ZPBP: variants seen among roughly 807,000 people sequenced by gnomAD.
ZPBP encodes the protein zona pellucida binding protein.
ZPBP carries 26 observed loss-of-function variants against 44.8 expected under a neutral mutation model. The observed-to-expected ratio is 0.58, with a 90% CI of 0.43 to 0.81. ZPBP has a LOEUF of 0.81. ZPBP is among the 30% of genes least tolerant of loss of function. The pLI is 0.00. For missense variants in ZPBP, 409 were observed against 434.0 expected (o/e 0.94, Z 0.51); for synonymous variants, 174 against 153.2 (o/e 1.14, Z -1.00).
In ZPBP at chr7:50,018,407, A is replaced by G. The variant is rs991111228; in HGVS notation, c.707-91T>C. ...TTGAAAAATGAAAGGATATTCTAAC[A>G]TTTCTCTTCCATTAAAATATTAAGC... is the stretch of plus-strand genomic sequence containing the variant. On this transcript the variant is annotated intron_variant, in intron 5 of 7. Transcript: ENST00000046087. 2.6e-5 allele frequency: 27 copies of G among 1,053,786 alleles called. No homozygotes were observed. The Admixed American group carries it at 5.6e-4, about 22-fold the overall frequency. The allele number at this position is 1,053,786 out of a possible 1,614,324, so 65.3% of individuals were successfully genotyped here.
intron 6 of ZPBP, among the ~76,000 whole-genome samples, chr7:50,012,393 A>T (rs1451778128): frequency 1.3e-5 from 2 of 152,030 alleles, no homozygotes; most frequent in Non-Finnish European, 2.9e-5. Flanking sequence ...ATAACTAAAA[A>T]CATTTTCAGA....
chr7:50,045,297 C>A (rs930978382), intron 4 of ZPBP, among the ~76,000 whole-genome samples: 1 of 152,076 alleles, frequency 6.6e-6, no homozygotes, highest in Admixed American at 6.5e-5. Flanking sequence ...AAGTTCTGGC[C>A]AGGGCAATCA....
intron 7 of ZPBP, among the ~76,000 whole-genome samples, chr7:49,974,733 T>C (rs1038199388): frequency 4.9e-5 from 1 of 20,512 alleles, no homozygotes; most frequent in Non-Finnish European, 1.1e-4. Flanking sequence ...TCATCTGATG[T>C]TGAACTTTGT....
intron 3 of ZPBP, among the ~76,000 whole-genome samples, chr7:50,080,017 C>A (rs748377240): frequency 6.6e-6 from 1 of 151,638 alleles, no homozygotes; most frequent in Non-Finnish European, 1.5e-5. Flanking sequence ...CACATCTAAA[C>A]AACTTGAGTA....
chr7:50,089,279 A>C (rs1172469292), intron 2 of ZPBP, among the ~76,000 whole-genome samples: 1 of 152,120 alleles, frequency 6.6e-6, no homozygotes, highest in Non-Finnish European at 1.5e-5. Flanking sequence ...GCCATACTTC[A>C]TGTGACTACT....
intron 3 of ZPBP, among the ~76,000 whole-genome samples, chr7:50,081,550 G>A (rs1178620865): frequency 6.6e-6 from 1 of 151,678 alleles, no homozygotes; most frequent in African/African-American, 2.4e-5. Flanking sequence ...TAGATGCTTT[G>A]AGAACCCCCC....
At chr7:49,892,728 G>A (rs1303915264) in intron 2 of ZPBP, among the ~76,000 whole-genome samples, 1 of 152,200 alleles carries the variant, frequency 6.6e-6, no homozygotes, top group Non-Finnish European at 1.5e-5. Context: ...TGCATATTGT[G>A]TGCAAAGGAG....
At chr7:50,063,581 CTTTAAAGCTTGAGAACCATTTTTTTT>C (rs1335938518) in intron 3 of ZPBP, among the ~76,000 whole-genome samples, 4 of 152,052 alleles carry the variant, frequency 2.6e-5, no homozygotes, top group African/African-American at 9.7e-5. Flanking sequence ...GTTTTGAATC[CTTTAAAGCTTGAGAACCATTTTTTTT>C]TTTAAACAAA....
At chr7:50,082,044 AT>A in intron 2 of ZPBP, 145 bp from the exon 3 acceptor site, 2 of 826,352 alleles carry the variant, frequency 2.4e-6, no homozygotes, top group Admixed American at 5.0e-5. Flanking sequence ...ACTAAATTTC[AT>A]TGCATTCTAT....
At chr7:49,996,311 C>A (rs949693168) in intron 6 of ZPBP, among the ~76,000 whole-genome samples, 1 of 152,030 alleles carries the variant, frequency 6.6e-6, no homozygotes, top group Non-Finnish European at 1.5e-5. Context: ...GGGAAGTAAC[C>A]ACAGGGTGGG....
At chr7:49,890,218 C>T (rs1156868329) in intron 2 of ZPBP, among the ~76,000 whole-genome samples, 2 of 152,116 alleles carry the variant, frequency 1.3e-5, no homozygotes, top group South Asian at 2.1e-4. Flanking sequence ...ATGTACTATC[C>T]TAATAATTTT....
At chr7:50,027,613 A>G (rs1300170344) in intron 5 of ZPBP, among the ~76,000 whole-genome samples, 2 of 152,032 alleles carry the variant, frequency 1.3e-5, no homozygotes, top group African/African-American at 4.8e-5. Flanking sequence ...GAAGGAAATA[A>G]TAAAGAGTAG....
chr7:50,025,918 A>G (rs188568199), intron 5 of ZPBP, among the ~76,000 whole-genome samples: 3 of 152,056 alleles, frequency 2.0e-5, no homozygotes, highest in Non-Finnish European at 2.9e-5. Flanking sequence ...AAAGGCACCA[A>G]TTAAAAGGCA....
chr7:50,046,863 T>C (rs533938708), intron 4 of ZPBP, among the ~76,000 whole-genome samples: 1 of 152,216 alleles, frequency 6.6e-6, no homozygotes, highest in South Asian at 2.1e-4. Flanking sequence ...TACTGCAGCA[T>C]TATTCACAAT....
intron 2 of ZPBP, among the ~76,000 whole-genome samples, chr7:50,084,250 T>G (rs1345460331): frequency 3.3e-5 from 5 of 151,836 alleles, no homozygotes; most frequent in Non-Finnish European, 7.4e-5. Flanking sequence ...TGCAGCCTTT[T>G]TGAAGAGCAA....
the ZPBP span, among the ~76,000 whole-genome samples, chr7:49,841,046 T>C: frequency 6.6e-6 from 1 of 152,332 alleles, no homozygotes; most frequent in Non-Finnish European, 1.5e-5. Flanking sequence ...AATTGAAATA[T>C]TTGGTCTTAT....
chr7:49,877,481 A>AAAATATAC lies in ZPBP; in HGVS notation n.509+23636_509+23637insGTATATTT. ...CTGTCTCAAAAAAAAAAAAAAAAAA[A>AAAATATAC]ATATATATATATATATATATATATA... is the stretch of plus-strand genomic sequence containing the variant. On this transcript the variant is annotated intron_variant and non_coding_transcript_variant, in intron 2 of 2. Transcript: ENST00000465922. 2.4e-4 allele frequency among the ~76,000 whole-genome samples: 3 copies of AAAATATAC among 12,728 alleles called. 1 individual carries two copies. Among genetic ancestry groups the AAAATATAC allele is most frequent in the African/African-American group, 8.3e-4 (3 of 3,602 alleles). 8.4% of individuals were successfully genotyped at this position (12,728 alleles called of 152,430 possible).
chr7:49,908,977 G>A (rs1793252994), intron 1 of ZPBP, among the ~76,000 whole-genome samples: 1 of 152,196 alleles, frequency 6.6e-6, no homozygotes, highest in African/African-American at 2.4e-5. Context: ...CTGTTGCCCT[G>A]ACATAGAAAG....
At chr7:50,029,048 A>G (rs1799472268) in intron 5 of ZPBP, among the ~76,000 whole-genome samples, 1 of 152,194 alleles carries the variant, frequency 6.6e-6, no homozygotes, top group African/African-American at 2.4e-5. Context: ...AAAAGGAAGA[A>G]CAAAATTGGA....
Sources: allele counts gnomAD v4.1 joint callset (sites outside exome capture counted in the v4.1 genomes callset), GRCh38; gene constraint gnomAD v4.1.1; transcripts MANE v1.5; gene names NCBI Gene and HGNC (gene_info 2026-07-23, HGNC 2026-07-21).